CAMSAP1: variants seen among roughly 807,000 people sequenced by gnomAD.
CAMSAP1 encodes calmodulin-regulated spectrin-associated protein 1.
CAMSAP1 carries 58 observed loss-of-function variants against 143.5 expected under a neutral mutation model. The ratio of observed to expected loss-of-function variants is 0.40; its 90% CI spans 0.33 to 0.50. CAMSAP1 has a LOEUF of 0.50. CAMSAP1 is among the 20% of genes least tolerant of loss of function. The pLI, the probability that CAMSAP1 is intolerant of heterozygous loss-of-function variation, is 0.45. For missense variants in CAMSAP1, 1,969 were observed against 2,115.7 expected, an observed-to-expected ratio of 0.93 and a Z score of 1.36; for synonymous variants, 945 against 859.3, an observed-to-expected ratio of 1.10 and a Z score of -1.74.
At chr9:135,841,337 G>A (rs1481135100) in intron 7 of CAMSAP1, among the ~76,000 whole-genome samples, 1 of 152,180 alleles carries the variant, frequency 6.6e-6, no homozygotes, top group African/African-American at 2.4e-5. Flanking sequence ...TGAAAGAAAA[G>A]TATTAGCCCT....
At chr9:135,864,951 G>A (rs1476816500) in intron 4 of CAMSAP1, among the ~76,000 whole-genome samples, 2 of 152,188 alleles carry the variant, frequency 1.3e-5, no homozygotes, top group Non-Finnish European at 2.9e-5. Flanking sequence ...GCTCCTAACA[G>A]ATGTCACATT....
chr9:135,874,365 A>T (rs1224279112), intron 3 of CAMSAP1, among the ~76,000 whole-genome samples: 1 of 150,832 alleles, frequency 6.6e-6, no homozygotes, highest in African/African-American at 2.4e-5. Context: ...CCAGCTATTC[A>T]GCAGGCTGAG....
chr9:135,815,827 A>G, intron 15 of CAMSAP1, 63 bp downstream of exon 15: 1 of 1,298,676 alleles, frequency 7.7e-7, no homozygotes, highest in Non-Finnish European at 1.1e-6. Context: ...AGATATTGAA[A>G]GAGCCACGCA....
At position 135,824,138 on chromosome 9, in the gene CAMSAP1, C is replaced by A. The variant is rs1223064005; in HGVS notation, c.1316-104G>T. The A allele has an allele frequency of 2.1e-6, 2 of 954,370 alleles. No homozygotes were observed. Among genetic ancestry groups the A allele is most frequent in the African/African-American group, 3.2e-5 (2 of 61,902 alleles). The allele number at this position is 954,370 out of a possible 1,614,324, so 59.1% of individuals were successfully genotyped here. A position where few individuals can be genotyped will look rare whatever the true frequency, so the allele number is the denominator to read the frequency against. On this transcript the variant is annotated intron_variant, in intron 9 of 16. Transcript: ENST00000389532. The surrounding 1 kb of genome is among the most constrained non-coding windows in gnomAD (Gnocchi z 4.1). ...CAGAAAAATGCCTCTCAAGTCAGTA[C>A]ACCAGAAGGGCCGCATGGAAAGCAG...
chr9:135,828,857 T>A (rs1251142811), intron 7 of CAMSAP1, among the ~76,000 whole-genome samples: 2 of 152,214 alleles, frequency 1.3e-5, no homozygotes, highest in African/African-American at 4.8e-5. Flanking sequence ...TCAGTAGGTT[T>A]CTCAGCTGAA....
At chr9:135,898,443 C>T (rs1234106080) in intron 1 of CAMSAP1, among the ~76,000 whole-genome samples, 1 of 152,014 alleles carries the variant, frequency 6.6e-6, no homozygotes, top group African/African-American at 2.4e-5. Flanking sequence ...CCAGAAGTTC[C>T]AAACTAGTCT....
intron 4 of CAMSAP1, among the ~76,000 whole-genome samples, chr9:135,864,804 C>T (rs536941113): frequency 1.3e-5 from 2 of 152,290 alleles, no homozygotes; most frequent in African/African-American, 4.8e-5. Flanking sequence ...CCATGCAGGC[C>T]GAGGCAGCAG....
intron 5 of CAMSAP1, among the ~76,000 whole-genome samples, chr9:135,857,495 C>A (rs1299202212): frequency 6.6e-6 from 1 of 152,156 alleles, no homozygotes; most frequent in African/African-American, 2.4e-5. Context: ...TGATTCTGTA[C>A]ACAGTTATGT....
rs7043385 is a variant in CAMSAP1 at position 135,888,772 on chromosome 9, C to T, written c.161-5694G>A. Among the ~76,000 whole-genome samples the T allele has an allele frequency of 7.4e-3, 1,127 of 152,342 alleles. 11 individuals carry two copies. Among genetic ancestry groups the T allele is most frequent in the African/African-American group, 0.026 (1,079 of 41,572 alleles). ...AGGTAAAAGCGACCAGTAGTCCACG[C>T]CCCAGCTCCATCCTGGAGAGGCCAG... On this transcript the variant is annotated intron_variant, in intron 1 of 16. Transcript: ENST00000389532.
At chr9:135,871,396 G>A (rs768195589) in intron 3 of CAMSAP1, among the ~76,000 whole-genome samples, 49 of 152,148 alleles carry the variant, frequency 3.2e-4, no homozygotes, top group South Asian at 6.2e-4. Context: ...CTATGTTGTC[G>A]GGGATGGTCT....
At chr9:135,850,563 T>A in intron 5 of CAMSAP1, 102 bp from the exon 6 acceptor site, 1 of 897,888 alleles carries the variant, frequency 1.1e-6, no homozygotes. Flanking sequence ...AAGGTAGTAA[T>A]GAAGATAATG....
In CAMSAP1 at chr9:135,815,912, C is replaced by T; in HGVS notation, c.4365G>A (p.Leu1455=). 7.4e-6 allele frequency: 12 copies of T among 1,613,800 alleles called. 1 individual carries two copies. In the South Asian group the frequency reaches 1.3e-4, roughly 18 times the overall value. ...CACCTGTGTACTCGGCCACTGAGGC[C>T]AGGGAAGATGCCGCCGACGCGGTCT... ...DWETASAASS[L]ASVAEYTGPK... The change falls in exon 15 of 17, where the codon CTG becomes CTA. Residue 1455 remains leucine, a synonymous_variant. Transcript: ENST00000389532.
intron 5 of CAMSAP1, among the ~76,000 whole-genome samples, chr9:135,851,524 A>G (rs1265899458): frequency 6.6e-6 from 1 of 152,198 alleles, no homozygotes; most frequent in Non-Finnish European, 1.5e-5. Context: ...TAGAAATAAA[A>G]CAGCCGAAGT....
At chr9:135,893,316 G>T (rs1564461701) in intron 1 of CAMSAP1, among the ~76,000 whole-genome samples, 1 of 144,410 alleles carries the variant, frequency 6.9e-6, no homozygotes, top group Non-Finnish European at 1.5e-5. Context: ...AGAAAGAAAA[G>T]AAAAGGAGAA....
chr9:135,886,616 C>T lies in CAMSAP1; in HGVS notation c.161-3538G>A, dbSNP rs150812098. 1.8e-4 allele frequency among the ~76,000 whole-genome samples: 28 copies of T among 152,278 alleles called. No individual in the cohort carries two copies. The East Asian group carries it at 5.2e-3, about 28-fold the overall frequency. On this transcript the variant is annotated intron_variant, in intron 1 of 16. Coordinates refer to ENST00000389532, the MANE Select transcript of CAMSAP1 (RefSeq NM_015447.4). ...GGCCCTGCGGGATCTGTCAGCAGAG[C>T]GAGACAGGCTTAGGCGGGCACACAA...
At chr9:135,866,377 G>A (rs957469018) in intron 4 of CAMSAP1, 79 bp downstream of exon 4, 3 of 747,896 alleles carry the variant, frequency 4.0e-6, no homozygotes, top group Non-Finnish European at 7.0e-6. Context: ...TAAGCAAATA[G>A]TGGGAACTAA....
chr9:135,824,170 A>G lies in CAMSAP1; in HGVS notation c.1316-136T>C. 1.4e-6 allele frequency: 1 copy of G among 711,832 alleles called. No individual in the cohort carries two copies. The highest frequency in any genetic ancestry group is 1.6e-5 in the South Asian group (1 of 60,694). The allele number at this position is 711,832 out of a possible 1,614,324, so 44.1% of individuals were successfully genotyped here. A position where few individuals can be genotyped will look rare whatever the true frequency, so the allele number is the denominator to read the frequency against. Reference sequence around the variant, plus strand: ...AGGGCCGCATGGAAAGCAGAGAGGCAAAACCATACAGTTGTCCCACATTTT... The same window carrying G: ...AGGGCCGCATGGAAAGCAGAGAGGCGAAACCATACAGTTGTCCCACATTTT... On this transcript the variant is annotated intron_variant, in intron 9 of 16. Coordinates refer to ENST00000389532, the MANE Select transcript of CAMSAP1 (RefSeq NM_015447.4). This position sits in a 1 kb window ranked among gnomAD's most constrained non-coding sequence, Gnocchi z 4.1.
intron 16 of CAMSAP1, among the ~76,000 whole-genome samples, chr9:135,813,760 G>A (rs554411303): frequency 1.1e-4 from 16 of 152,328 alleles, no homozygotes; most frequent in South Asian, 2.1e-4. Flanking sequence ...TGGTCTGCAC[G>A]CTGACGCTGG....
chr9:135,833,084 T>C (rs1482761096), intron 7 of CAMSAP1, among the ~76,000 whole-genome samples: 2 of 148,412 alleles, frequency 1.3e-5, no homozygotes, highest in Non-Finnish European at 3.0e-5. Flanking sequence ...TAATCTTTTT[T>C]TTTTTTTTTT....
Sources: gnomAD v4.1 joint callset for allele counts (sites outside exome capture counted in the v4.1 genomes callset) on GRCh38, gnomAD v4.1.1 for gene constraint, Gnocchi (gnomAD v3.1) non-coding constraint, MANE v1.5 for transcripts, NCBI Gene and HGNC (gene_info 2026-07-23, HGNC 2026-07-21) for gene names.